Variants in PZP observed in about 807,000 individuals in gnomAD.
The protein encoded by PZP is pregnancy zone protein.
A neutral mutation model predicts 179.8 loss-of-function variants in PZP; 150 were observed. That is an observed-to-expected ratio of 0.83 (90% confidence interval 0.73 to 0.96). The LOEUF (loss-of-function observed/expected upper bound fraction) is 0.96. PZP is among the 40% of genes least tolerant of loss of function. PZP has a pLI of 0.00. For synonymous variants in PZP, 624 were observed against 652.3 expected (o/e 0.96, Z 0.66); for missense variants, 1,689 against 1,764.0 (o/e 0.96, Z 0.76).
chr12:9,190,657 T>C (rs1454579026), intron 13 of PZP, among the ~76,000 whole-genome samples: 3 of 152,188 alleles, frequency 2.0e-5, no homozygotes, highest in African/African-American at 7.2e-5. Flanking sequence ...CGAGTTTACC[T>C]ACATAACAAA....
chr12:9,163,805 T>C lies in PZP; in HGVS notation c.2615-16A>G, dbSNP rs186407172. The C allele has an allele frequency of 7.5e-6, 12 of 1,609,098 alleles. No homozygotes were observed. In the Admixed American group the frequency reaches 1.2e-4, roughly 16 times the overall value. The stretch of plus-strand genomic sequence containing the variant: ...TTCACATTCCCTAAAACAAGGAATA[T>C]TGAAAACATGAGTATCCACTTTGAT... On this transcript the variant is annotated splice_polypyrimidine_tract_variant and intron_variant, in intron 20 of 35. Coordinates refer to ENST00000261336, the MANE Select transcript of PZP (RefSeq NM_002864.3).
At chr12:9,152,406 G>C in intron 31 of PZP, 96 bp from the exon 32 acceptor site, 1 of 896,710 alleles carries the variant, frequency 1.1e-6, no homozygotes, top group Non-Finnish European at 1.8e-6. Flanking sequence ...CTGTCTTCAA[G>C]AAGTTGTCCC....
chr12:9,201,413 T>A (rs908722653), intron 4 of PZP, 66 bp from the exon 5 acceptor site: 2 of 1,273,852 alleles, frequency 1.6e-6, no homozygotes, highest in Non-Finnish European at 1.1e-6. Context: ...TTCAGACTTG[T>A]GATCAAACAA....
chr12:9,182,909 C>A (rs536514114), intron 13 of PZP, among the ~76,000 whole-genome samples: 18 of 152,160 alleles, frequency 1.2e-4, no homozygotes, highest in Non-Finnish European at 2.4e-4. Context: ...TCCATGTCTT[C>A]CTTTTCTCTA....
At chr12:9,182,678 A>C (rs58133321) in intron 13 of PZP, among the ~76,000 whole-genome samples, 1,967 of 152,338 alleles carry the variant, frequency 0.013, 36 homozygotes, top group African/African-American at 0.045. Context: ...ACCAGATAAC[A>C]CTTCAGAAAA....
chr12:9,153,271 G>C lies in PZP; in HGVS notation c.3847C>G (p.Gln1283Glu), dbSNP rs765915464. ...GTCTGTGAATCCTGAACGGTGACCT[G>C]TGCAGTTTTCTCAGTTCTGGTGAAA... Reference protein sequence around the residue: ...ATFTRTEKTAQVTVQDSQTFS... With the variant: ...ATFTRTEKTAEVTVQDSQTFS... Residue 1283 changes from glutamine (Q) to glutamate (E), a missense_variant, in exon 30 of 36, where the codon CAG (glutamine) becomes GAG (glutamate). Coordinates refer to ENST00000261336, the MANE Select transcript of PZP (RefSeq NM_002864.3). The C allele has an allele frequency of 1.2e-6, 2 of 1,614,166 alleles. No homozygotes were observed. Among genetic ancestry groups the C allele is most frequent in the East Asian group, 4.5e-5 (2 of 44,886 alleles).
chr12:9,160,696 T>C (rs751863198), intron 23 of PZP, among the ~76,000 whole-genome samples: 36 of 152,082 alleles, frequency 2.4e-4, no homozygotes, highest in Admixed American at 4.6e-4. Context: ...GGGCGGATCA[T>C]GAGGTCAGGA....
chr12:9,153,068 C>T, intron 30 of PZP, 57 bp downstream of exon 30: 1 of 1,607,110 alleles, frequency 6.2e-7, no homozygotes, highest in Non-Finnish European at 8.5e-7. Context: ...AACAGAGTTT[C>T]CATTTCAATT....
In PZP at chr12:9,181,977, T is replaced by C. The variant is rs1384647793; in HGVS notation, c.1687A>G (p.Lys563Glu). The change falls in exon 14 of 36, where the codon AAG (lysine) becomes GAG (glutamate). Residue 563 changes from lysine to glutamate, a missense_variant and splice_region_variant. This residue lies in a region of PZP where 742 missense variants were observed against 730.5 expected (regional missense o/e 1.02). Transcript: ENST00000261336. ...TAATTTTATGTTAAATCGCTCACCT[T>C]GTTGGCTAGACAGTTTTCAATCTCA... ...KFEIENCLAN[K>E]VDLSFSPAQS... 6.2e-7 allele frequency: 1 copy of C among 1,613,262 alleles called. No homozygotes were observed. Among genetic ancestry groups the C allele is most frequent in the African/African-American group, 1.3e-5 (1 of 74,884 alleles).
At chr12:9,146,461 G>T (rs995363685), downstream of PZP, among the ~76,000 whole-genome samples, 2 of 151,902 alleles carry the variant, frequency 1.3e-5, no homozygotes, top group Admixed American at 6.6e-5. Context: ...GAATTATTTT[G>T]AATTCTCCAT....
At chr12:9,171,652 C>T (rs183482646) in intron 15 of PZP, among the ~76,000 whole-genome samples, 1 of 152,124 alleles carries the variant, frequency 6.6e-6, no homozygotes, top group African/African-American at 2.4e-5. Flanking sequence ...CATAACTGAC[C>T]TGATGGAGCT....
chr12:9,192,341 G>A, intron 12 of PZP, 85 bp from the exon 13 acceptor site: 2 of 1,394,096 alleles, frequency 1.4e-6, no homozygotes, highest in South Asian at 2.4e-5. Flanking sequence ...ACTTTCAGTT[G>A]TCAAGTCTGT....
At chr12:9,182,380 G>A (rs1942824671) in intron 13 of PZP, among the ~76,000 whole-genome samples, 1 of 151,602 alleles carries the variant, frequency 6.6e-6, no homozygotes, top group South Asian at 2.1e-4. Flanking sequence ...CTTAACTGTT[G>A]CCTAAATCAA....
At chr12:9,174,436 A>C (rs1284808588) in intron 15 of PZP, among the ~76,000 whole-genome samples, 1 of 152,090 alleles carries the variant, frequency 6.6e-6, no homozygotes, top group East Asian at 1.9e-4. Context: ...CTCTCTCACC[A>C]CTCCCATTCA....
rs1943615880 is a variant in PZP at position 9,194,226 on chromosome 12, C to T, written c.1105G>A (p.Asp369Asn). ...IPFFAQVLLVDGKGVPIPNKL... is the reference protein window; with the variant it reads ...IPFFAQVLLVNGKGVPIPNKL... ...TTGGGGATGGGCACACCTTTTCCATCCACCAGAAGCACCTAAAGAAGAAAA... is the reference window on the plus strand; with the variant it reads ...TTGGGGATGGGCACACCTTTTCCATTCACCAGAAGCACCTAAAGAAGAAAA... The change falls in exon 11 of 36, where the codon GAT (aspartate) becomes AAT (asparagine). Residue 369 changes from aspartate to asparagine, a missense_variant. By Grantham distance (23) the Asp-to-Asn change is conservative (BLOSUM62 1). This residue lies in a region of PZP where 742 missense variants were observed against 730.5 expected (regional missense o/e 1.02). Coordinates refer to ENST00000261336, the MANE Select transcript of PZP (RefSeq NM_002864.3). The T allele has an allele frequency of 6.2e-7, 1 of 1,613,786 alleles. No homozygotes were observed. The highest frequency in any genetic ancestry group is 1.1e-5 in the South Asian group (1 of 91,056).
intron 4 of PZP, 95 bp from the exon 5 acceptor site, chr12:9,201,442 T>C (rs1470543357): frequency 1.1e-6 from 1 of 914,630 alleles, no homozygotes; most frequent in Non-Finnish European, 1.7e-6. Flanking sequence ...GGAAGAATAT[T>C]ATCTGTAGCT....
At chr12:9,152,465 T>C (rs959918015) in intron 31 of PZP, among the ~76,000 whole-genome samples, 155 bp from the exon 32 acceptor site, 3 of 152,204 alleles carry the variant, frequency 2.0e-5, no homozygotes, top group African/African-American at 4.8e-5. Context: ...AACACTGACA[T>C]TGGACACATG....
intron 15 of PZP, among the ~76,000 whole-genome samples, chr12:9,171,227 T>G (rs1941977026): frequency 6.6e-6 from 1 of 152,174 alleles, no homozygotes; most frequent in Non-Finnish European, 1.5e-5. Flanking sequence ...AACTGGGGTC[T>G]GGAGTGGACC....
chr12:9,193,282 A>T (rs1479437033), intron 11 of PZP, among the ~76,000 whole-genome samples: 2 of 152,104 alleles, frequency 1.3e-5, no homozygotes, highest in African/African-American at 4.8e-5. Context: ...CCTTGTGGTA[A>T]CTGCTCCTTA....
Sources: allele counts gnomAD v4.1 joint callset (sites outside exome capture counted in the v4.1 genomes callset), GRCh38; gene constraint gnomAD v4.1.1; regional missense constraint gnomAD v4.1.1; transcripts MANE v1.5; gene names NCBI Gene and HGNC (gene_info 2026-07-23, HGNC 2026-07-21).